Variants in SCN7A observed in about 807,000 individuals in gnomAD.
SCN7A encodes sodium voltage-gated channel alpha subunit 7, also known as sodium channel protein type 7 subunit alpha.
SCN7A carries 138 observed loss-of-function variants against 155.2 expected under a neutral mutation model. That is an observed-to-expected ratio of 0.89 (90% CI 0.77 to 1.02). The LOEUF is 1.02. Among genes scored for constraint, SCN7A ranks in the 50% least tolerant of loss-of-function variants. The probability of loss-of-function intolerance (pLI) is 0.00; values close to 1 mark genes in which losing one functional copy is unlikely to be tolerated. For synonymous variants in SCN7A, 693 were observed against 649.0 expected (o/e 1.07, Z -1.03); for missense variants, 2,058 against 1,986.6 (o/e 1.04, Z -0.68).
chr2:166,457,281 A>G (rs576740277), intron 10 of SCN7A, among the ~76,000 whole-genome samples: 1 of 152,356 alleles, frequency 6.6e-6, no homozygotes, highest in South Asian at 2.1e-4. Flanking sequence ...TAAGGTATAC[A>G]ATATATGCTG....
chr2:166,452,108 A>G (rs937250858), intron 11 of SCN7A, among the ~76,000 whole-genome samples: 2 of 152,150 alleles, frequency 1.3e-5, no homozygotes, highest in African/African-American at 4.8e-5. Context: ...TAATCAAAAT[A>G]CAAACAAGGT....
In SCN7A at chr2:166,462,386, T is replaced by C; in HGVS notation, c.1083+3A>G. On this transcript the variant is annotated splice_donor_region_variant and intron_variant, in intron 10 of 25. Transcript: ENST00000643258. The stretch of plus-strand genomic sequence containing the variant: ...GTACAGTACAATTTCTCTCTGTTCT[T>C]ACCTGGTGATAAAGTACTTCAGGGT... 1 of 1,583,514 alleles carries C rather than the reference T, an allele frequency of 6.3e-7. No homozygotes were observed. The highest frequency in any genetic ancestry group is 8.6e-7 in the Non-Finnish European group (1 of 1,163,514).
At position 166,457,062 on chromosome 2, in the gene SCN7A, A is replaced by C. The variant is rs781650602; in HGVS notation, c.1098T>G (p.Ser366=). ...CAAAAAATATCATGTAGACCTTCCC[A>C]GAAGCATAAAGTATCTAAGGAAAGG... The part of the protein sequence containing the change: ...EVLYHQILYA[S]GKVYMIFFVV... The change falls in exon 11 of 26, where the codon TCT becomes TCG. Residue 366 remains serine (S), a synonymous_variant. Transcript: ENST00000643258. 5.5e-5 allele frequency: 88 copies of C among 1,605,506 alleles called. No individual in the cohort carries two copies. Among genetic ancestry groups the C allele is most frequent in the Non-Finnish European group, 7.1e-5 (83 of 1,176,138 alleles).
intron 11 of SCN7A, 41 bp from the exon 12 acceptor site, chr2:166,447,749 T>C: frequency 7.0e-7 from 1 of 1,419,762 alleles, no homozygotes; most frequent in Non-Finnish European, 1.0e-6. Context: ...CTTCCTGTCT[T>C]TGCAGGTCCA....
chr2:166,459,775 A>G (rs1386654663), intron 10 of SCN7A, among the ~76,000 whole-genome samples: 1 of 152,186 alleles, frequency 6.6e-6, no homozygotes, highest in Non-Finnish European at 1.5e-5. Flanking sequence ...GCACATATAC[A>G]CCATGGAATA....
chr2:166,460,783 T>C (rs1349196897), intron 10 of SCN7A, among the ~76,000 whole-genome samples: 5 of 152,088 alleles, frequency 3.3e-5, no homozygotes, highest in Admixed American at 3.3e-4. Context: ...TATATTAGAG[T>C]ATGTTAAGAA....
chr2:166,409,776 C>G lies in SCN7A; in HGVS notation c.3871G>C (p.Val1291Leu). The change falls in exon 25 of 26, where the codon GTT becomes CTT. Residue 1291 changes from valine to leucine, a missense_variant. Transcript: ENST00000643258. ...ATACATTCCATAGTATATAGCATAA[C>G]AAAAATTGAGTTAATCCAGTAGAGA... ...IALYWINSIF[V>L]MLYTMECILK... The G allele has an allele frequency of 6.4e-7, 1 of 1,567,078 alleles. No homozygotes were observed. Among genetic ancestry groups the G allele is most frequent in the Non-Finnish European group, 8.7e-7 (1 of 1,153,920 alleles).
intron 17 of SCN7A, among the ~76,000 whole-genome samples, chr2:166,428,640 C>T (rs1463554043): frequency 6.6e-6 from 1 of 151,970 alleles, no homozygotes; most frequent in Non-Finnish European, 1.5e-5. Flanking sequence ...AAAGCCAAAA[C>T]ATTTTATTTT....
In SCN7A at chr2:166,416,886, AG is replaced by A; in HGVS notation, c.3234del (p.Leu1079TyrfsTer24). 6.2e-7 allele frequency: 1 copy of A among 1,613,494 alleles called. No homozygotes were observed. Among genetic ancestry groups the A allele is most frequent in the South Asian group, 1.1e-5 (1 of 90,996 alleles). ...IWLIFSIMGV[D>X]LFAGRFYECI... ...CATTCATAGAATCTGCCAGCAAATA[AG>A]TCTACTCCCATGATACTAAAAATCA... On this transcript the variant is annotated frameshift_variant, in exon 21 of 26. Transcript: ENST00000643258. LOFTEE classifies it high-confidence loss of function.
intron 15 of SCN7A, among the ~76,000 whole-genome samples, chr2:166,433,805 GA>G (rs1168819096): frequency 6.6e-6 from 1 of 152,146 alleles, no homozygotes; most frequent in Non-Finnish European, 1.5e-5. Flanking sequence ...CAGATGCTAG[GA>G]AGGTTAGTTG....
Position 166,405,692 on chromosome 2 carries a change from T to C in SCN7A, c.4937A>G (p.Lys1646Arg). The change falls in exon 26 of 26, where the codon AAA (lysine) becomes AGA (arginine). Residue 1646 changes from lysine to arginine, a missense_variant. By Grantham distance (26) the Lys-to-Arg change is conservative. Transcript: ENST00000643258. ...YKNYRLRRNDKNTSDIHMIDG... is the reference protein window; with the variant it reads ...YKNYRLRRNDRNTSDIHMIDG... ...TATCATATGAATATCTGATGTATTT[T>C]TGTCATTTCGCCTCAAGCGGTAATT... The C allele has an allele frequency of 1.2e-6, 2 of 1,613,064 alleles. No individual in the cohort carries two copies. Among genetic ancestry groups the C allele is most frequent in the Non-Finnish European group, 8.5e-7 (1 of 1,179,340 alleles).
intron 4 of SCN7A, 54 bp from the exon 5 acceptor site, chr2:166,473,942 T>A: frequency 5.5e-6 from 5 of 903,010 alleles, no homozygotes; most frequent in Non-Finnish European, 8.4e-6. Context: ...AAAGATATAT[T>A]TCTATGATAT....
rs1575016894 is a variant in SCN7A at position 166,427,709 on chromosome 2, G to C, written c.2853+79C>G. The C allele has an allele frequency of 2.3e-6, 3 of 1,302,422 alleles. No individual in the cohort carries two copies. In the East Asian group the frequency reaches 7.5e-5, roughly 32 times the overall value. 80.7% of individuals were successfully genotyped at this position (1,302,422 alleles called of 1,614,324 possible). On this transcript the variant is annotated intron_variant, in intron 18 of 25. Coordinates refer to ENST00000643258, the MANE Select transcript of SCN7A (RefSeq NM_002976.4). ...TAAATATCCTTGGAAATGTAATCCT[G>C]GTTTTGACTTTCTGAATTAACAGAA...
chr2:166,456,522 G>T (rs558437423), intron 11 of SCN7A, among the ~76,000 whole-genome samples: 2 of 152,118 alleles, frequency 1.3e-5, no homozygotes, highest in African/African-American at 2.4e-5. Context: ...TCATAAGTGT[G>T]GTAGATTATT....
intron 6 of SCN7A, among the ~76,000 whole-genome samples, chr2:166,471,480 A>G (rs554587295): frequency 6.6e-6 from 1 of 151,988 alleles, no homozygotes; most frequent in East Asian, 1.9e-4. Flanking sequence ...TGATGGTAAT[A>G]ATTACAGTGA....
chr2:166,450,291 A>G (rs1056918226), intron 11 of SCN7A, among the ~76,000 whole-genome samples: 2 of 152,098 alleles, frequency 1.3e-5, no homozygotes, highest in African/African-American at 4.8e-5. Context: ...AGATGGGAAC[A>G]ACAGACATCG....
At chr2:166,414,328 A>C (rs1701310158) in intron 21 of SCN7A, among the ~76,000 whole-genome samples, 1 of 115,960 alleles carries the variant, frequency 8.6e-6, no homozygotes, top group African/African-American at 3.4e-5. Context: ...ATATATATAT[A>C]TATGAAGGAA....
chr2:166,486,162 C>T (rs1703041714), intron 2 of SCN7A, among the ~76,000 whole-genome samples: 1 of 152,174 alleles, frequency 6.6e-6, no homozygotes, highest in Non-Finnish European at 1.5e-5. Flanking sequence ...TCAGAACTAG[C>T]TGACCTCCTT....
intron 21 of SCN7A, chr2:166,414,586 A>G (rs1439888193): frequency 7.0e-6 from 1 of 143,446 alleles, no homozygotes; most frequent in Non-Finnish European, 1.5e-5. Context: ...ATCCGGAAAA[A>G]AAGAACCATT....
Sources: allele counts gnomAD v4.1 joint callset (sites outside exome capture counted in the v4.1 genomes callset), GRCh38; gene constraint gnomAD v4.1.1; transcripts MANE v1.5; gene names NCBI Gene and HGNC (gene_info 2026-07-23, HGNC 2026-07-21).